Variants in KIRREL1 observed in about 807,000 individuals in gnomAD.
KIRREL1 encodes the protein kirre like nephrin family adhesion molecule 1, also known as kin of IRRE-like protein 1.
In KIRREL1, 25 loss-of-function variants were observed where a neutral mutation model predicts 83.3. The observed-to-expected ratio is 0.30, with a 90% CI of 0.22 to 0.42. The LOEUF (loss-of-function observed/expected upper bound fraction) is 0.42. Among genes scored for constraint, KIRREL1 ranks in the 10% least tolerant of loss-of-function variants. The pLI is 1.00. For synonymous variants in KIRREL1, 388 were observed against 410.4 expected (o/e 0.95, Z 0.66); for missense variants, 812 against 1,032.3 (o/e 0.79, Z 2.92).
At chr1:158,007,384 C>G (rs181674692) in intron 1 of KIRREL1, among the ~76,000 whole-genome samples, 1 of 151,998 alleles carries the variant, frequency 6.6e-6, no homozygotes, top group Non-Finnish European at 1.5e-5. Context: ...GAAGTGAAGA[C>G]GATTCTTATA....
chr1:158,096,026 G>A lies in KIRREL1; in HGVS notation c.*906G>A, dbSNP rs1278044070. 2 of 156,078 alleles carry A rather than the reference G, an allele frequency of 1.3e-5. No homozygotes were observed. The highest frequency in any genetic ancestry group is 2.4e-5 in the African/African-American group (1 of 41,446). The allele number at this position is 156,078 out of a possible 1,614,324, so 9.7% of individuals were successfully genotyped here. A position where few individuals can be genotyped will look rare whatever the true frequency, so the allele number is the denominator to read the frequency against. On this transcript the variant is annotated 3_prime_UTR_variant, in exon 15 of 15. Coordinates refer to ENST00000359209, the MANE Select transcript of KIRREL1 (RefSeq NM_018240.7). ...GTTTGGGGAGTGGTGAGGTAGGGGT[G>A]GGGGTGCTGTAGGCTCTTTTTCAAA...
At position 158,096,175 on chromosome 1, in the gene KIRREL1, C is replaced by T. The variant is rs1662351380; in HGVS notation, c.*1055C>T. On this transcript the variant is annotated 3_prime_UTR_variant, in exon 15 of 15. Coordinates refer to ENST00000359209, the MANE Select transcript of KIRREL1 (RefSeq NM_018240.7). ...TCTTCTCCATGGGGTTCCTAACACCCTCCATTACTCTTTCAGTCTCCAAGC... is the reference window on the plus strand; with the variant it reads ...TCTTCTCCATGGGGTTCCTAACACCTTCCATTACTCTTTCAGTCTCCAAGC... The T allele has an allele frequency of 1.0e-5, 2 of 197,014 alleles. No homozygotes were observed. The highest frequency in any genetic ancestry group is 1.1e-4 in the Admixed American group (2 of 18,640). The allele number at this position is 197,014 out of a possible 1,614,324, so 12.2% of individuals were successfully genotyped here.
chr1:158,008,355 G>T (rs1659578779), intron 1 of KIRREL1, among the ~76,000 whole-genome samples: 1 of 152,160 alleles, frequency 6.6e-6, no homozygotes, highest in Non-Finnish European at 1.5e-5. Flanking sequence ...GGCCTCACCT[G>T]GTCCACAGTG....
In KIRREL1 at chr1:158,089,529, C is replaced by T. The variant is rs1662126379; in HGVS notation, c.1072C>T (p.Leu358=). 1 of 1,614,106 alleles carries T rather than the reference C, an allele frequency of 6.2e-7. No homozygotes were observed. Among genetic ancestry groups the T allele is most frequent in the African/African-American group, 1.3e-5 (1 of 74,946 alleles). Residue 358 remains leucine (L), a synonymous_variant, in exon 9 of 15, where the codon CTG becomes TTG. Coordinates refer to ENST00000359209, the MANE Select transcript of KIRREL1 (RefSeq NM_018240.7). ...MVLSNSNQLL[L]KSVTQADAGT... ...CCTGAGTAACAGCAACCAGCTGCTG[C>T]TGAAGTCGGTGACTCAGGCAGACGC...
At chr1:158,046,275 TGA>T (rs1485688022) in intron 1 of KIRREL1, among the ~76,000 whole-genome samples, 1 of 151,674 alleles carries the variant, frequency 6.6e-6, no homozygotes, top group Non-Finnish European at 1.5e-5. Flanking sequence ...GGACGAAGGG[TGA>T]GAGGGAAAGA....
chr1:158,085,246 A>C (rs1286934767), intron 4 of KIRREL1, among the ~76,000 whole-genome samples: 1 of 152,218 alleles, frequency 6.6e-6, no homozygotes, highest in Non-Finnish European at 1.5e-5. Flanking sequence ...TTACCCTGCC[A>C]GTTGTGGGTA....
chr1:158,032,160 G>C (rs1034327480), intron 1 of KIRREL1, among the ~76,000 whole-genome samples: 1 of 152,122 alleles, frequency 6.6e-6, no homozygotes, highest in Non-Finnish European at 1.5e-5. Context: ...TAAGTATTAA[G>C]AATTTAATGT....
intron 1 of KIRREL1, among the ~76,000 whole-genome samples, chr1:158,054,138 G>A (rs1660979890): frequency 6.7e-6 from 1 of 148,742 alleles, no homozygotes; most frequent in African/African-American, 2.5e-5. Flanking sequence ...GCTTGAAGCT[G>A]GGAGGCGGGG....
intron 1 of KIRREL1, among the ~76,000 whole-genome samples, chr1:157,997,627 C>A (rs1384941912): frequency 1.1e-4 from 17 of 152,092 alleles, no homozygotes; most frequent in Admixed American, 1.1e-3. Flanking sequence ...CAGAAAAGAT[C>A]TGGGGAAGGG....
chr1:158,017,131 C>G (rs1306718067), intron 1 of KIRREL1, among the ~76,000 whole-genome samples: 4 of 152,192 alleles, frequency 2.6e-5, no homozygotes, highest in South Asian at 2.1e-4. Context: ...CTGCGGAGGG[C>G]AGGTTCCAGT....
intron 1 of KIRREL1, among the ~76,000 whole-genome samples, chr1:157,998,668 A>G (rs1169419565): frequency 6.6e-6 from 1 of 152,184 alleles, no homozygotes; most frequent in African/African-American, 2.4e-5. Flanking sequence ...GATCTCCCCA[A>G]GTGTCAGCTT....
At chr1:158,035,257 G>T (rs1315414335) in intron 1 of KIRREL1, among the ~76,000 whole-genome samples, 3 of 152,142 alleles carry the variant, frequency 2.0e-5, no homozygotes, top group Admixed American at 1.3e-4. Flanking sequence ...AGCCCCCTTG[G>T]GACTAGGGCC....
At chr1:158,051,001 C>T (rs538967146) in intron 1 of KIRREL1, among the ~76,000 whole-genome samples, 3 of 152,222 alleles carry the variant, frequency 2.0e-5, no homozygotes, top group Admixed American at 6.5e-5. Context: ...TGTCTACCTT[C>T]GGTTTCTCCT....
At chr1:158,008,106 C>T (rs890208233) in intron 1 of KIRREL1, among the ~76,000 whole-genome samples, 2 of 152,098 alleles carry the variant, frequency 1.3e-5, no homozygotes, top group African/African-American at 2.4e-5. Flanking sequence ...TAATTACAGT[C>T]TCCTGGGCAC....
intron 4 of KIRREL1, among the ~76,000 whole-genome samples, chr1:158,085,181 A>G (rs190564035): frequency 6.6e-6 from 1 of 152,240 alleles, no homozygotes; most frequent in Non-Finnish European, 1.5e-5. Context: ...GCCCAGGATT[A>G]CATAGCAAAG....
chr1:158,014,626 A>G (rs1162010362), intron 1 of KIRREL1, among the ~76,000 whole-genome samples: 1 of 128,476 alleles, frequency 7.8e-6, no homozygotes. Flanking sequence ...AGTCCCTTAG[A>G]CCGACACTGG....
chr1:158,094,737 G>C lies in KIRREL1; in HGVS notation c.1891G>C (p.Ala631Pro). 1.2e-6 allele frequency: 2 copies of C among 1,613,566 alleles called. No homozygotes were observed. Among genetic ancestry groups the C allele is most frequent in the South Asian group, 2.2e-5 (2 of 91,068 alleles). ...TGCTGACTACCGTGCCCCTGGCCCTGCCCGCTTCGACGGCCGCCCCTCATC... is the reference window on the plus strand; with the variant it reads ...TGCTGACTACCGTGCCCCTGGCCCTCCCCGCTTCGACGGCCGCCCCTCATC... ...LYADYRAPGP[A>P]RFDGRPSSRL... Residue 631 changes from alanine (A) to proline (P), a missense_variant, in exon 15 of 15, where the codon GCC becomes CCC. This residue lies in a region of KIRREL1 where 334 missense variants were observed against 383.7 expected (regional missense o/e 0.87). Transcript: ENST00000359209. The surrounding 1 kb of genome is among the most constrained non-coding windows in gnomAD (Gnocchi z 4.6).
Position 158,094,626 on chromosome 1 carries a change from T to G in KIRREL1, c.1798-18T>G, listed in dbSNP as rs985592801. 83 of 1,565,414 alleles carry G rather than the reference T, an allele frequency of 5.3e-5. No homozygotes were observed. The highest frequency in any genetic ancestry group is 6.7e-5 in the Non-Finnish European group (77 of 1,153,600). On this transcript the variant is annotated intron_variant, in intron 14 of 14. Transcript: ENST00000359209. The surrounding 1 kb of genome is among the most constrained non-coding windows in gnomAD (Gnocchi z 4.6). ...AAGAGGGAACACTGCCTCCATCCTC[T>G]TCTCTCATTGCCCCCAGGACCCCAC... is the stretch of plus-strand genomic sequence containing the variant.
chr1:157,996,860 G>A (rs1290213822), intron 1 of KIRREL1, among the ~76,000 whole-genome samples: 6 of 152,186 alleles, frequency 3.9e-5, no homozygotes, highest in African/African-American at 2.4e-5. Context: ...CAAGTACTCA[G>A]TGCCTCAGCC....
Sources: allele counts gnomAD v4.1 joint callset (sites outside exome capture counted in the v4.1 genomes callset), GRCh38; gene constraint gnomAD v4.1.1; regional missense constraint gnomAD v4.1.1; non-coding constraint Gnocchi (gnomAD v3.1); transcripts MANE v1.5; gene names NCBI Gene and HGNC (gene_info 2026-07-23, HGNC 2026-07-21).